Variants in CENPP observed in about 807,000 individuals in gnomAD.
The protein encoded by CENPP is centromere protein P.
A neutral mutation model predicts 35.6 loss-of-function variants in CENPP; 24 were observed. That is an observed-to-expected ratio of 0.67 (90% confidence interval 0.49 to 0.95). The LOEUF is 0.95. Ranked by LOEUF, CENPP falls within the 40% of genes least tolerant of loss-of-function variation. The pLI is 0.00. For missense variants in CENPP, 332 were observed against 345.3 expected, an observed-to-expected ratio of 0.96 and a Z score of 0.31; for synonymous variants, 120 against 125.5, an observed-to-expected ratio of 0.96 and a Z score of 0.29.
intron 5 of CENPP, among the ~76,000 whole-genome samples, chr9:92,406,305 A>C (rs1843307306): frequency 6.6e-6 from 1 of 152,196 alleles, no homozygotes; most frequent in Non-Finnish European, 1.5e-5. Context: ...CAGGGGGAAT[A>C]GAGGTTGGAT....
At chr9:92,554,438 C>G (rs1849677636) in intron 5 of CENPP, among the ~76,000 whole-genome samples, 1 of 152,192 alleles carries the variant, frequency 6.6e-6, no homozygotes, top group South Asian at 2.1e-4. Flanking sequence ...CCGCATCACC[C>G]TCCCAAAGTG....
At chr9:92,574,012 C>G (rs1165979522) in intron 5 of CENPP, among the ~76,000 whole-genome samples, 2 of 152,154 alleles carry the variant, frequency 1.3e-5, no homozygotes, top group East Asian at 3.9e-4. Context: ...CTTCCCTTGG[C>G]TAGGAAAGGG....
At chr9:92,523,354 C>G (rs577268768) in intron 5 of CENPP, among the ~76,000 whole-genome samples, 22 of 152,326 alleles carry the variant, frequency 1.4e-4, no homozygotes, top group African/African-American at 4.8e-4. Flanking sequence ...CCTTCTCTGT[C>G]ATACCTATTC....
intron 5 of CENPP, among the ~76,000 whole-genome samples, chr9:92,390,587 T>TGTGTGTGTGTGTGTGCGCGCGC (rs749697394): frequency 7.1e-6 from 1 of 141,814 alleles, no homozygotes; most frequent in Non-Finnish European, 1.6e-5. Context: ...TGTGTGTGTG[T>TGTGTGTGTGTGTGTGCGCGCGC]GCGCGCGCGC....
intron 4 of CENPP, among the ~76,000 whole-genome samples, chr9:92,355,520 A>G (rs1450626862): frequency 1.3e-5 from 2 of 152,166 alleles, no homozygotes; most frequent in Non-Finnish European, 2.9e-5. Context: ...TGAAGGCTGA[A>G]TTATTTGAGA....
chr9:92,505,734 C>A (rs1233638875), intron 5 of CENPP: 2 of 1,467,692 alleles, frequency 1.4e-6, no homozygotes, highest in East Asian at 4.8e-5. Context: ...AATTGAAAAA[C>A]CATGCAAATT....
intron 5 of CENPP, among the ~76,000 whole-genome samples, chr9:92,423,029 A>C (rs1430582995): frequency 6.7e-6 from 1 of 149,608 alleles, no homozygotes; most frequent in Non-Finnish European, 1.5e-5. Flanking sequence ...GAATAAGTTA[A>C]TAAGTTATAG....
Position 92,374,091 on chromosome 9 carries a change from T to G in CENPP, c.468-5672T>G, listed in dbSNP as rs78125010. Among the ~76,000 whole-genome samples the G allele has an allele frequency of 4.9e-3, 691 of 141,562 alleles. 6 individuals are homozygous for G. The highest frequency in any genetic ancestry group is 0.016 in the African/African-American group (603 of 38,588). 92.9% of individuals were successfully genotyped at this position (141,562 alleles called of 152,430 possible). A position where few individuals can be genotyped will look rare whatever the true frequency, so the allele number is the denominator to read the frequency against. The stretch of plus-strand genomic sequence containing the variant: ...CTACCCCCAGTTGCTGGATTGCTAC[T>G]GGCTTGCTTTCCTGTTCCAGCAGTG... On this transcript the variant is annotated intron_variant, in intron 4 of 7. Transcript: ENST00000375587.
intron 5 of CENPP, chr9:92,386,421 A>G: frequency 1.6e-6 from 1 of 606,224 alleles, no homozygotes; most frequent in South Asian, 2.0e-5. Flanking sequence ...ATATGAATAC[A>G]TCAATTATAT....
chr9:92,406,432 A>G (rs776258228), intron 5 of CENPP, among the ~76,000 whole-genome samples: 3 of 152,228 alleles, frequency 2.0e-5, no homozygotes, highest in Non-Finnish European at 4.4e-5. Context: ...TTTGCATTTT[A>G]GAAACATTCC....
intron 5 of CENPP, chr9:92,474,891 C>A (rs765673267): frequency 4.8e-5 from 78 of 1,611,362 alleles, no homozygotes; most frequent in Non-Finnish European, 6.8e-6. Context: ...AGCACATACT[C>A]CTTCATGGTG....
chr9:92,612,067 G>A (rs571712575), intron 6 of CENPP, among the ~76,000 whole-genome samples: 80 of 152,302 alleles, frequency 5.3e-4, no homozygotes, highest in African/African-American at 1.7e-3. Flanking sequence ...GTCTTGCTGC[G>A]CTCTTCAGCT....
intron 5 of CENPP, among the ~76,000 whole-genome samples, chr9:92,399,334 A>G (rs1347318133): frequency 3.9e-5 from 6 of 152,192 alleles, no homozygotes; most frequent in Admixed American, 3.9e-4. Flanking sequence ...GGGTTAAATC[A>G]TTTAAATCAT....
intron 5 of CENPP, among the ~76,000 whole-genome samples, chr9:92,386,000 A>C (rs1465497203): frequency 6.6e-6 from 1 of 152,210 alleles, no homozygotes; most frequent in African/African-American, 2.4e-5. Context: ...TCTACTTGTT[A>C]TGCTCTGGAT....
At chr9:92,365,339 T>C (rs1186323133) in intron 4 of CENPP, among the ~76,000 whole-genome samples, 1 of 151,918 alleles carries the variant, frequency 6.6e-6, no homozygotes, top group Non-Finnish European at 1.5e-5. Flanking sequence ...TATCAGTTTG[T>C]TATCAACCCT....
At chr9:92,393,688 G>A (rs1030888093) in intron 5 of CENPP, among the ~76,000 whole-genome samples, 7 of 152,136 alleles carry the variant, frequency 4.6e-5, no homozygotes, top group Non-Finnish European at 7.4e-5. Context: ...GGATCCTTTA[G>A]CACCCCAAGT....
chr9:92,358,432 T>A (rs546704070), intron 4 of CENPP, among the ~76,000 whole-genome samples: 41 of 152,008 alleles, frequency 2.7e-4, no homozygotes, highest in Non-Finnish European at 5.1e-4. Context: ...TTAGTAGAGA[T>A]GGGGTTTCAC....
At position 92,532,032 on chromosome 9, in the gene CENPP, TTA is replaced by T. The variant is rs1466785567; in HGVS notation, c.565-79280_565-79279del. Reference sequence around the variant, plus strand: ...TATTTAATGTTTTTTTTTTTTTATTTTATTTTTTTTTTGAGATGAGGTCTCAC... The same window carrying T: ...TATTTAATGTTTTTTTTTTTTTATTTTTTTTTTTTTGAGATGAGGTCTCAC... On this transcript the variant is annotated intron_variant, in intron 5 of 7. Coordinates refer to ENST00000375587, the MANE Select transcript of CENPP (RefSeq NM_001012267.3). Among the ~76,000 whole-genome samples, 601 of 132,582 alleles carry T rather than the reference TTA, an allele frequency of 4.5e-3. 121 individuals carry two copies. Among genetic ancestry groups the T allele is most frequent in the Non-Finnish European group, 5.5e-3 (349 of 63,406 alleles). The allele number at this position is 132,582 out of a possible 152,430, so 87.0% of individuals were successfully genotyped here. A position where few individuals can be genotyped will look rare whatever the true frequency, so the allele number is the denominator to read the frequency against.
intron 5 of CENPP, among the ~76,000 whole-genome samples, chr9:92,388,576 T>A (rs1193236540): frequency 6.6e-6 from 1 of 151,490 alleles, no homozygotes; most frequent in Non-Finnish European, 1.5e-5. Context: ...CACGGTGGCT[T>A]ACGCCTGTAA....
Sources: gnomAD v4.1 joint callset for allele counts (sites outside exome capture counted in the v4.1 genomes callset) on GRCh38, gnomAD v4.1.1 for gene constraint, MANE v1.5 for transcripts, NCBI Gene and HGNC (gene_info 2026-07-23, HGNC 2026-07-21) for gene names.